Variants in TNFSF4 observed in about 807,000 individuals in gnomAD.
TNFSF4 encodes the protein TNF superfamily member 4, also known as tumor necrosis factor ligand superfamily member 4.
In TNFSF4, 4 loss-of-function variants were observed where a neutral mutation model predicts 7.3. The observed-to-expected ratio is 0.55, with a 90% CI of 0.27 to 1.25. The LOEUF is 1.25. Among genes scored for constraint, TNFSF4 ranks in the 50% most tolerant of loss-of-function variants. TNFSF4 has a pLI of 0.12. For missense variants in TNFSF4, 181 were observed against 208.8 expected (o/e 0.87, Z 0.82); for synonymous variants, 76 against 83.7 (o/e 0.91, Z 0.50).
chr1:173,323,302 C>G, the TNFSF4 span, among the ~76,000 whole-genome samples: 1 of 152,224 alleles, frequency 6.6e-6, no homozygotes, highest in African/African-American at 2.4e-5. Flanking sequence ...TCAGTAAACT[C>G]TAAGAGACCT....
chr1:173,317,187 T>C, the TNFSF4 span, among the ~76,000 whole-genome samples: 1 of 152,228 alleles, frequency 6.6e-6, no homozygotes, highest in African/African-American at 2.4e-5. Context: ...TTGTTCCAAC[T>C]GAGCCTAGAC....
chr1:173,372,867 C>T, the TNFSF4 span, among the ~76,000 whole-genome samples: 2 of 152,306 alleles, frequency 1.3e-5, no homozygotes, highest in African/African-American at 2.4e-5. Flanking sequence ...CCAGGAGGAT[C>T]TCTTAGAAGT....
At chr1:173,385,264 A>G in the TNFSF4 span, among the ~76,000 whole-genome samples, 1 of 152,322 alleles carries the variant, frequency 6.6e-6, no homozygotes, top group East Asian at 1.9e-4. Flanking sequence ...TTTTCCAACA[A>G]TCTCCAAACA....
the TNFSF4 span, among the ~76,000 whole-genome samples, chr1:173,343,267 T>C: frequency 6.6e-6 from 1 of 152,204 alleles, no homozygotes; most frequent in Non-Finnish European, 1.5e-5. Flanking sequence ...TGGGAATTTC[T>C]GTCAGGGAAG....
At chr1:173,428,294 G>A in the TNFSF4 span, among the ~76,000 whole-genome samples, 106 of 152,262 alleles carry the variant, frequency 7.0e-4, 2 homozygotes, top group South Asian at 0.022. Flanking sequence ...ATCGTTGACA[G>A]AATATTTTGT....
chr1:173,181,556 A>G (rs1649055596), downstream of TNFSF4, among the ~76,000 whole-genome samples: 1 of 152,166 alleles, frequency 6.6e-6, no homozygotes, highest in African/African-American at 2.4e-5. Context: ...ATCATGCCCC[A>G]TGAGACCATG....
At chr1:173,258,121 A>G in the TNFSF4 span, among the ~76,000 whole-genome samples, 1 of 152,058 alleles carries the variant, frequency 6.6e-6, no homozygotes, top group East Asian at 1.9e-4. Context: ...ACCAAATTCC[A>G]TTTGGCTTCC....
the TNFSF4 span, among the ~76,000 whole-genome samples, chr1:173,266,649 G>A: frequency 1.3e-5 from 2 of 152,060 alleles, no homozygotes; most frequent in Non-Finnish European, 2.9e-5. Context: ...CATGATTAGT[G>A]TATGTGCCTT....
the TNFSF4 span, among the ~76,000 whole-genome samples, chr1:173,310,591 G>A: frequency 4.0e-5 from 6 of 151,044 alleles, no homozygotes; most frequent in African/African-American, 7.3e-5. Context: ...CGTAAAGAAC[G>A]TATAGTGTTA....
chr1:173,308,267 TTCTCTCTC>T, the TNFSF4 span, among the ~76,000 whole-genome samples: 1 of 132,896 alleles, frequency 7.5e-6, no homozygotes, highest in African/African-American at 3.2e-5. Flanking sequence ...CTCTCTCTCT[TTCTCTCTC>T]TCTCTCTCTC....
At chr1:173,285,980 G>GCTGA in the TNFSF4 span, among the ~76,000 whole-genome samples, 1 of 152,086 alleles carries the variant, frequency 6.6e-6, no homozygotes, top group African/African-American at 2.4e-5. Flanking sequence ...TTTGCTGACC[G>GCTGA]CTGACCAATA....
the TNFSF4 span, among the ~76,000 whole-genome samples, chr1:173,324,089 A>G: frequency 2.6e-5 from 4 of 152,226 alleles, no homozygotes; most frequent in Non-Finnish European, 5.9e-5. Context: ...AATGAAGGAA[A>G]ACATATTAAG....
chr1:173,282,354 C>T, the TNFSF4 span, among the ~76,000 whole-genome samples: 1 of 151,532 alleles, frequency 6.6e-6, no homozygotes, highest in Non-Finnish European at 1.5e-5. Context: ...AAATAAAAGT[C>T]TGTGTTTTCT....
At chr1:173,345,163 A>G in the TNFSF4 span, among the ~76,000 whole-genome samples, 2 of 152,264 alleles carry the variant, frequency 1.3e-5, no homozygotes, top group African/African-American at 4.8e-5. Context: ...AAATGTGCCT[A>G]TAGCATAGCA....
At chr1:173,444,915 G>A in the TNFSF4 span, among the ~76,000 whole-genome samples, 6 of 152,208 alleles carry the variant, frequency 3.9e-5, no homozygotes, top group Non-Finnish European at 8.8e-5. Context: ...TGAGGTTCTT[G>A]AATTGTATTC....
the TNFSF4 span, chr1:173,440,337 AT>A: frequency 6.6e-6 from 1 of 152,078 alleles, no homozygotes; most frequent in East Asian, 1.9e-4. Flanking sequence ...ACTTTATACA[AT>A]GACAGTATGT....
At chr1:173,360,268 C>T in the TNFSF4 span, among the ~76,000 whole-genome samples, 1 of 152,206 alleles carries the variant, frequency 6.6e-6, no homozygotes, top group Non-Finnish European at 1.5e-5. Flanking sequence ...CCTGGCTTCC[C>T]ATTCTCCTGG....
chr1:173,445,977 A>G, the TNFSF4 span, among the ~76,000 whole-genome samples: 3 of 152,216 alleles, frequency 2.0e-5, no homozygotes, highest in Non-Finnish European at 4.4e-5. Flanking sequence ...CAAATAAGCA[A>G]ACAATCTTCC....
At chr1:173,358,147 T>A in the TNFSF4 span, among the ~76,000 whole-genome samples, 4 of 152,210 alleles carry the variant, frequency 2.6e-5, no homozygotes, top group South Asian at 4.1e-4. Context: ...GACGTGATGA[T>A]GGAAGGAAGT....
Sources: gnomAD v4.1 joint callset for allele counts (sites outside exome capture counted in the v4.1 genomes callset) on GRCh38, gnomAD v4.1.1 for gene constraint, MANE v1.5 for transcripts, NCBI Gene and HGNC (gene_info 2026-07-23, HGNC 2026-07-21) for gene names.